The following CSMD2 variants were observed in gnomAD, a reference collection of about 807,000 sequenced individuals.
CSMD2 encodes the protein CUB and sushi domain-containing protein 2.
Under a neutral mutation model 398.5 loss-of-function variants are expected in CSMD2, and 130 were observed. The ratio of observed to expected loss-of-function variants is 0.33; its 90% confidence interval spans 0.28 to 0.38. The LOEUF is 0.38. CSMD2 is among the 10% of genes least tolerant of loss of function. The pLI is 1.00. For synonymous variants in CSMD2, 1,828 were observed against 1,908.5 expected (o/e 0.96, Z 1.10); for missense variants, 3,829 against 4,764.9 (o/e 0.80, Z 5.78).
chr1:34,165,120 G>T lies in CSMD2; in HGVS notation c.-23C>A. 1 of 1,213,782 alleles carries T rather than the reference G, an allele frequency of 8.2e-7. No individual in the cohort carries two copies. Among genetic ancestry groups the T allele is most frequent in the South Asian group, 4.1e-5 (1 of 24,180 alleles). 75.2% of individuals were successfully genotyped at this position (1,213,782 alleles called of 1,614,324 possible). Reference sequence around the variant, plus strand: ...CATGGCGCGGCCGGCAGCGCCGAGGGAGAGGCTCCGCTCGCCGCCGAGGAG... The same window carrying T: ...CATGGCGCGGCCGGCAGCGCCGAGGTAGAGGCTCCGCTCGCCGCCGAGGAG... On this transcript the variant is annotated 5_prime_UTR_variant, in exon 1 of 71. Coordinates refer to ENST00000373381, the MANE Select transcript of CSMD2 (RefSeq NM_001281956.2).
chr1:34,004,905 CCTT>C (rs1647011905), intron 3 of CSMD2, among the ~76,000 whole-genome samples: 2 of 152,168 alleles, frequency 1.3e-5, no homozygotes, highest in Non-Finnish European at 2.9e-5. Context: ...CACTCGCTCT[CCTT>C]CTTCCTCAGC....
chr1:34,111,691 A>G (rs1661091338), intron 1 of CSMD2, among the ~76,000 whole-genome samples: 1 of 152,218 alleles, frequency 6.6e-6, no homozygotes, highest in Non-Finnish European at 1.5e-5. Context: ...AACATCTGGC[A>G]AAGCTGGGGT....
intron 13 of CSMD2, among the ~76,000 whole-genome samples, chr1:33,764,021 G>C (rs1222881077): frequency 6.6e-6 from 1 of 152,148 alleles, no homozygotes; most frequent in Non-Finnish European, 1.5e-5. Context: ...GATGGGTCAA[G>C]GATATACTTT....
intron 2 of CSMD2, among the ~76,000 whole-genome samples, chr1:34,088,662 A>G (rs553719508): frequency 6.6e-5 from 10 of 152,340 alleles, no homozygotes; most frequent in African/African-American, 2.2e-4. Context: ...GTTGGTTCCA[A>G]CTTATATTTC....
Position 33,729,221 on chromosome 1 carries a change from C to T in CSMD2, c.2369-2536G>A, listed in dbSNP as rs182240411. 4.6e-5 allele frequency among the ~76,000 whole-genome samples: 7 copies of T among 152,292 alleles called. No individual in the cohort carries two copies. The East Asian group carries it at 5.8e-4, about 13-fold the overall frequency. On this transcript the variant is annotated intron_variant, in intron 15 of 70. Transcript: ENST00000373381. ...TCTCCACTCAGTGCATACATATCAA[C>T]GAAACCCCATCTACAATCTCCAGAG...
At chr1:34,154,635 A>G (rs1346448967) in intron 1 of CSMD2, among the ~76,000 whole-genome samples, 1 of 152,206 alleles carries the variant, frequency 6.6e-6, no homozygotes, top group Non-Finnish European at 1.5e-5. Context: ...ATAAAGTAAG[A>G]AACCAGATGA....
intron 57 of CSMD2, among the ~76,000 whole-genome samples, chr1:33,543,976 T>G (rs1299646264): frequency 6.6e-6 from 1 of 152,226 alleles, no homozygotes; most frequent in East Asian, 1.9e-4. Context: ...TTATTCTTAT[T>G]GATGCTCAGA....
At chr1:33,790,358 C>T (rs1347266743) in intron 11 of CSMD2, among the ~76,000 whole-genome samples, 2 of 152,168 alleles carry the variant, frequency 1.3e-5, no homozygotes, top group South Asian at 2.1e-4. Flanking sequence ...GGGTGGACCT[C>T]ATCCAATCAG....
intron 13 of CSMD2, among the ~76,000 whole-genome samples, chr1:33,754,199 G>A (rs1185600402): frequency 6.6e-6 from 1 of 152,168 alleles, no homozygotes; most frequent in Non-Finnish European, 1.5e-5. Context: ...GTTGGACATG[G>A]GGCCTGGGGG....
intron 3 of CSMD2, among the ~76,000 whole-genome samples, chr1:33,940,131 T>G (rs992379901): frequency 4.6e-5 from 7 of 152,180 alleles, no homozygotes; most frequent in African/African-American, 1.7e-4. Flanking sequence ...TTCTGGTGGT[T>G]TGCTGGCAAT....
chr1:33,995,725 T>C (rs1019038335), intron 3 of CSMD2, among the ~76,000 whole-genome samples: 1 of 152,210 alleles, frequency 6.6e-6, no homozygotes, highest in Non-Finnish European at 1.5e-5. Context: ...TTACCATATC[T>C]CTGCTCTCTT....
intron 1 of CSMD2, among the ~76,000 whole-genome samples, chr1:34,142,538 C>T (rs962276559): frequency 6.6e-6 from 1 of 152,168 alleles, no homozygotes; most frequent in Non-Finnish European, 1.5e-5. Context: ...GATGAGAAAA[C>T]GAAGGCCTGG....
chr1:34,074,374 G>C (rs1656078320), intron 2 of CSMD2, among the ~76,000 whole-genome samples: 1 of 152,244 alleles, frequency 6.6e-6, no homozygotes, highest in South Asian at 2.1e-4. Context: ...AGGGCATACA[G>C]GGTCCCTGGT....
At chr1:34,103,041 T>TTGAATGAA (rs1482429125) in intron 1 of CSMD2, among the ~76,000 whole-genome samples, 4 of 152,142 alleles carry the variant, frequency 2.6e-5, no homozygotes, top group Non-Finnish European at 5.9e-5. Context: ...TAGTTGTTGG[T>TTGAATGAA]TGAATGAATG....
At chr1:33,597,529 A>G (rs1381303961) in intron 44 of CSMD2, among the ~76,000 whole-genome samples, 1 of 152,246 alleles carries the variant, frequency 6.6e-6, no homozygotes, top group Non-Finnish European at 1.5e-5. Flanking sequence ...GCTCTGCCTC[A>G]TCACAAGCAT....
At chr1:33,871,252 T>G (rs961258128) in intron 5 of CSMD2, among the ~76,000 whole-genome samples, 2 of 152,204 alleles carry the variant, frequency 1.3e-5, no homozygotes, top group East Asian at 3.9e-4. Context: ...GAGATAGCTT[T>G]GGAACCAGGC....
Position 34,042,365 on chromosome 1 carries a change from C to A in CSMD2, c.405-9659G>T, listed in dbSNP as rs563709447. Reference sequence around the variant, plus strand: ...TATTCCCAAGGTCAAATTGGCATGTCATTTTTCATATCACTGTTTGATGTG... The same window carrying A: ...TATTCCCAAGGTCAAATTGGCATGTAATTTTTCATATCACTGTTTGATGTG... On this transcript the variant is annotated intron_variant, in intron 2 of 70. Coordinates refer to ENST00000373381, the MANE Select transcript of CSMD2 (RefSeq NM_001281956.2). Among the ~76,000 whole-genome samples, 10 of 152,336 alleles carry A rather than the reference C, an allele frequency of 6.6e-5. 1 individual carries two copies. The South Asian group carries it at 2.1e-3, about 32-fold the overall frequency.
intron 22 of CSMD2, among the ~76,000 whole-genome samples, chr1:33,707,739 ACAC>A (rs1352721415): frequency 1.4e-4 from 21 of 147,260 alleles, no homozygotes; most frequent in African/African-American, 5.3e-4. Flanking sequence ...ACACACACAC[ACAC>A]ACCATACACC....
chr1:33,917,943 T>G, intron 5 of CSMD2, 151 bp downstream of exon 5: 1 of 598,238 alleles, frequency 1.7e-6, no homozygotes, highest in Non-Finnish European at 2.9e-6. Context: ...GCTTTTTCAT[T>G]AGGATGAGAT....
Sources: gnomAD v4.1 joint callset for allele counts (sites outside exome capture counted in the v4.1 genomes callset) on GRCh38, gnomAD v4.1.1 for gene constraint, MANE v1.5 for transcripts, NCBI Gene and HGNC (gene_info 2026-07-23, HGNC 2026-07-21) for gene names.